Variants in ACER2 observed in about 807,000 individuals in gnomAD.
ACER2 encodes the protein alkaline ceramidase 2, also known as alkCDase 2.
In ACER2, 26 loss-of-function variants were observed where a neutral mutation model predicts 34.7. That is an observed-to-expected ratio of 0.75 (90% CI 0.55 to 1.04). ACER2 has a LOEUF of 1.04. ACER2 is among the 50% of genes least tolerant of loss of function. The pLI is 0.00. For missense variants in ACER2, 352 were observed against 340.8 expected (o/e 1.03, Z -0.26); for synonymous variants, 138 against 132.1 (o/e 1.04, Z -0.31).
intron 1 of ACER2, among the ~76,000 whole-genome samples, chr9:19,409,470 A>G (rs893312339): frequency 6.6e-6 from 1 of 152,020 alleles, no homozygotes; most frequent in African/African-American, 2.4e-5. Context: ...GCGTCCAGGA[A>G]CCAGGGGTCT....
intron 4 of ACER2, among the ~76,000 whole-genome samples, chr9:19,436,582 G>A (rs1244870204): frequency 6.0e-5 from 9 of 151,200 alleles, no homozygotes; most frequent in Non-Finnish European, 1.2e-4. Context: ...ATAAAAATTA[G>A]CTCATTCTCG....
chr9:19,419,718 G>A (rs1563874678), intron 1 of ACER2, among the ~76,000 whole-genome samples: 2 of 152,172 alleles, frequency 1.3e-5, no homozygotes, highest in African/African-American at 2.4e-5. Context: ...AGGTGAGATC[G>A]TGCCGTTGCA....
At chr9:19,446,526 T>G in intron 5 of ACER2, 108 bp downstream of exon 5, 1 of 1,564,168 alleles carries the variant, frequency 6.4e-7, no homozygotes, top group Non-Finnish European at 8.6e-7. Flanking sequence ...GGTTGCTGGC[T>G]TGCTTCTCTC....
At chr9:19,423,838 C>T in intron 1 of ACER2, 24 bp from the exon 2 acceptor site, 2 of 1,577,090 alleles carry the variant, frequency 1.3e-6, no homozygotes, top group Non-Finnish European at 1.7e-6. Flanking sequence ...ACTCATCTTT[C>T]TGTTTTACAT....
chr9:19,449,890 T>TAAA (rs543959118), intron 5 of ACER2, among the ~76,000 whole-genome samples: 60 of 131,352 alleles, frequency 4.6e-4, no homozygotes, highest in African/African-American at 1.6e-3. Context: ...AGACTTCATT[T>TAAA]AAAAAAAAAA....
chr9:19,449,942 C>T (rs545941448), intron 5 of ACER2, among the ~76,000 whole-genome samples: 6 of 149,008 alleles, frequency 4.0e-5, no homozygotes, highest in Non-Finnish European at 5.9e-5. Flanking sequence ...GTCTATTGTT[C>T]GATAAAGTTT....
chr9:19,431,899 T>C (rs749993235), intron 3 of ACER2, among the ~76,000 whole-genome samples: 1 of 152,264 alleles, frequency 6.6e-6, no homozygotes, highest in Non-Finnish European at 1.5e-5. Context: ...AATTGGCTTC[T>C]TAACTGTGAC....
At chr9:19,442,936 G>T (rs1282881099) in intron 4 of ACER2, among the ~76,000 whole-genome samples, 1 of 149,490 alleles carries the variant, frequency 6.7e-6, no homozygotes, top group Non-Finnish European at 1.5e-5. Context: ...GGGTTCAAGC[G>T]ATTCTCTTAC....
At chr9:19,409,496 C>CGAATGGG in intron 1 of ACER2, among the ~76,000 whole-genome samples, 1 of 152,118 alleles carries the variant, frequency 6.6e-6, no homozygotes, top group Non-Finnish European at 1.5e-5. Flanking sequence ...AGCCCATTCT[C>CGAATGGG]CTTGTTTGGG....
At chr9:19,440,648 G>C (rs1563889049) in intron 4 of ACER2, among the ~76,000 whole-genome samples, 1 of 152,126 alleles carries the variant, frequency 6.6e-6, no homozygotes, top group South Asian at 2.1e-4. Context: ...CAGCCACCCA[G>C]TATACAATGT....
intron 4 of ACER2, among the ~76,000 whole-genome samples, chr9:19,442,983 C>T (rs2132523985): frequency 6.6e-6 from 1 of 151,258 alleles, no homozygotes; most frequent in African/African-American, 2.4e-5. Flanking sequence ...CAGATGCATG[C>T]CATCATGCCC....
intron 1 of ACER2, among the ~76,000 whole-genome samples, chr9:19,415,434 G>T (rs971993026): frequency 5.9e-5 from 9 of 152,000 alleles, no homozygotes; most frequent in African/African-American, 2.2e-4. Context: ...GGCGGAGGTT[G>T]CAGTTAGCCA....
At chr9:19,450,211 A>G in intron 5 of ACER2, 1 of 985,372 alleles carries the variant, frequency 1.0e-6, no homozygotes, top group Non-Finnish European at 1.2e-6. Flanking sequence ...ATTTGTTCCT[A>G]TTATCCAGCA....
At position 19,446,341 on chromosome 9, in the gene ACER2, C is replaced by T; in HGVS notation, c.564C>T (p.Ala188=). 1 of 1,614,166 alleles carries T rather than the reference C, an allele frequency of 6.2e-7. No homozygotes were observed. The highest frequency in any genetic ancestry group is 1.3e-5 in the African/African-American group (1 of 75,034). The change falls in exon 5 of 6, where the codon GCC becomes GCT. Residue 188 remains alanine, a synonymous_variant. Coordinates refer to ENST00000340967, the MANE Select transcript of ACER2 (RefSeq NM_001010887.3). The stretch of plus-strand genomic sequence containing the variant: ...TCTCGGGCCTCTGGTGGACCCTGGC[C>T]CTGTTCTGCTGGATCAGTGACCGAG... ...GLFSGLWWTL[A]LFCWISDRAF... is the part of the protein sequence containing the mutation.
At chr9:19,419,939 C>T (rs1431897816) in intron 1 of ACER2, among the ~76,000 whole-genome samples, 8 of 152,150 alleles carry the variant, frequency 5.3e-5, no homozygotes, top group Non-Finnish European at 1.2e-4. Flanking sequence ...ACTTGCATTT[C>T]TCTCCCACCC....
At chr9:19,436,142 C>A (rs967515858) in intron 4 of ACER2, among the ~76,000 whole-genome samples, 1 of 151,370 alleles carries the variant, frequency 6.6e-6, no homozygotes. Context: ...TTCTCAAACT[C>A]CTGGCCTCAA....
At chr9:19,411,441 G>C (rs1257170620) in intron 1 of ACER2, among the ~76,000 whole-genome samples, 2 of 152,144 alleles carry the variant, frequency 1.3e-5, no homozygotes, top group African/African-American at 4.8e-5. Context: ...CTTGAGTGCT[G>C]TGGTGCGATC....
At chr9:19,439,028 G>A (rs1326750526) in intron 4 of ACER2, among the ~76,000 whole-genome samples, 1 of 152,196 alleles carries the variant, frequency 6.6e-6, no homozygotes, top group Non-Finnish European at 1.5e-5. Flanking sequence ...TTATTATGCA[G>A]TTTAAATAAA....
intron 4 of ACER2, among the ~76,000 whole-genome samples, chr9:19,444,638 A>G (rs1190236785): frequency 6.6e-6 from 1 of 152,182 alleles, no homozygotes. Context: ...GACCTATAGT[A>G]TCTGGCATTG....
Sources: gnomAD v4.1 joint callset for allele counts (sites outside exome capture counted in the v4.1 genomes callset) on GRCh38, gnomAD v4.1.1 for gene constraint, MANE v1.5 for transcripts, NCBI Gene and HGNC (gene_info 2026-07-23, HGNC 2026-07-21) for gene names.